ANTXR2: variants seen among roughly 807,000 people sequenced by gnomAD.
The protein encoded by ANTXR2 is ANTXR cell adhesion molecule 2, also known as anthrax toxin receptor 2.
ANTXR2 carries 44 observed loss-of-function variants against 73.7 expected under a neutral mutation model. The ratio of observed to expected loss-of-function variants is 0.60; its 90% CI spans 0.47 to 0.77. The LOEUF (loss-of-function observed/expected upper bound fraction) is 0.77. ANTXR2 is among the 30% of genes least tolerant of loss of function. The pLI, the probability that ANTXR2 is intolerant of heterozygous loss-of-function variation, is 0.00. For missense variants in ANTXR2, 604 were observed against 592.5 expected (o/e 1.02, Z -0.20); for synonymous variants, 217 against 205.9 (o/e 1.05, Z -0.46).
chr4:80,004,006 TA>T (rs1171615558), intron 12 of ANTXR2, among the ~76,000 whole-genome samples: 1 of 152,088 alleles, frequency 6.6e-6, no homozygotes, highest in Non-Finnish European at 1.5e-5. Flanking sequence ...ATAAACAACC[TA>T]AATGTTTTTC....
At chr4:79,913,237 T>G (rs1307670255) in intron 16 of ANTXR2, among the ~76,000 whole-genome samples, 9 of 152,190 alleles carry the variant, frequency 5.9e-5, no homozygotes, top group Admixed American at 4.6e-4. Context: ...ACTATCTTGG[T>G]GTACCCACTG....
At chr4:80,015,025 G>A (rs544588441) in intron 11 of ANTXR2, among the ~76,000 whole-genome samples, 10 of 152,126 alleles carry the variant, frequency 6.6e-5, no homozygotes, top group Non-Finnish European at 1.5e-4. Context: ...TTTTGTCTTT[G>A]ACTCTATGTA....
chr4:79,924,140 C>A, intron 16 of ANTXR2, among the ~76,000 whole-genome samples: 1 of 152,052 alleles, frequency 6.6e-6, no homozygotes. Context: ...ATTTTCCCTC[C>A]TCTCTCCCTC....
chr4:79,956,023 G>A (rs374084815), intron 16 of ANTXR2, among the ~76,000 whole-genome samples: 1 of 152,052 alleles, frequency 6.6e-6, no homozygotes, highest in African/African-American at 2.4e-5. Flanking sequence ...TGTCCCTCTT[G>A]GAGAGAACTG....
At chr4:80,031,321 T>C (rs1369422545) in intron 10 of ANTXR2, among the ~76,000 whole-genome samples, 1 of 151,926 alleles carries the variant, frequency 6.6e-6, no homozygotes, top group Non-Finnish European at 1.5e-5. Context: ...TGTTTATGGC[T>C]CTGATTATTT....
chr4:80,055,554 C>CA (rs1258749779), intron 4 of ANTXR2, 87 bp from the exon 5 acceptor site: 25 of 1,066,774 alleles, frequency 2.3e-5, no homozygotes, highest in Admixed American at 4.4e-5. Context: ...GTAAGTCTGA[C>CA]AAAATCAAAA....
At chr4:80,002,895 A>C (rs1731118589) in intron 12 of ANTXR2, among the ~76,000 whole-genome samples, 1 of 147,758 alleles carries the variant, frequency 6.8e-6, no homozygotes, top group Admixed American at 6.9e-5. Flanking sequence ...GGCAATCATT[A>C]AAAAGTCAGG....
chr4:79,994,993 A>G (rs1034413564), intron 12 of ANTXR2, among the ~76,000 whole-genome samples: 4 of 151,888 alleles, frequency 2.6e-5, no homozygotes, highest in African/African-American at 9.7e-5. Context: ...GATGATCCTG[A>G]TGCTTCCCCC....
Position 80,071,778 on chromosome 4 carries a change from A to T in ANTXR2, c.153-124T>A, listed in dbSNP as rs537255609. On this transcript the variant is annotated intron_variant, in intron 1 of 16. Transcript: ENST00000403729. ...ACCTGGCCTCTTTTTCAAGCTAAGT[A>T]AGGGTATCTGTAGCTGAAACTTTGG... The T allele has an allele frequency of 3.5e-5, 26 of 740,968 alleles. No homozygotes were observed. In the Admixed American group the frequency reaches 3.8e-4, roughly 11 times the overall value. 45.9% of individuals were successfully genotyped at this position (740,968 alleles called of 1,614,324 possible).
At position 79,907,316 on chromosome 4, in the gene ANTXR2, T is replaced by G; in HGVS notation, c.*113A>C. 1 of 1,148,950 alleles carries G rather than the reference T, an allele frequency of 8.7e-7. No homozygotes were observed. 71.2% of individuals were successfully genotyped at this position (1,148,950 alleles called of 1,614,324 possible). A position where few individuals can be genotyped will look rare whatever the true frequency, so the allele number is the denominator to read the frequency against. On this transcript the variant is annotated 3_prime_UTR_variant, in exon 17 of 17. Transcript: ENST00000403729. The stretch of plus-strand genomic sequence containing the variant: ...AAAACATTTCCCGACTGAGAGGAAT[T>G]AAGCTGCTCTTCCAAAAGCTTCTGA...
intron 14 of ANTXR2, among the ~76,000 whole-genome samples, chr4:79,980,530 C>T (rs1197032419): frequency 6.6e-6 from 1 of 152,152 alleles, no homozygotes; most frequent in Non-Finnish European, 1.5e-5. Flanking sequence ...TCCAACTCCA[C>T]TTGGCTTTCA....
At chr4:79,979,534 C>CT in intron 14 of ANTXR2, among the ~76,000 whole-genome samples, 1 of 151,996 alleles carries the variant, frequency 6.6e-6, no homozygotes, top group East Asian at 1.9e-4. Context: ...ATGTTTTTAC[C>CT]TTTTTTTACT....
At chr4:79,918,778 AAATACACAAGT>A (rs1727455002) in intron 16 of ANTXR2, among the ~76,000 whole-genome samples, 1 of 152,096 alleles carries the variant, frequency 6.6e-6, no homozygotes, top group East Asian at 1.9e-4. Flanking sequence ...ATATGTGACT[AAATACACAAGT>A]AATATAAATA....
intron 16 of ANTXR2, among the ~76,000 whole-genome samples, chr4:79,914,536 C>T (rs896900584): frequency 1.3e-5 from 2 of 152,058 alleles, no homozygotes; most frequent in Non-Finnish European, 2.9e-5. Context: ...TACAATCCTC[C>T]AATAAAGAAT....
chr4:79,978,198 G>A (rs1729725219), intron 14 of ANTXR2, 24 bp from the exon 15 acceptor site: 2 of 1,609,826 alleles, frequency 1.2e-6, no homozygotes, highest in South Asian at 1.1e-5. Flanking sequence ...GGAGAGTACT[G>A]TTATCAGACA....
At chr4:79,950,845 T>C (rs1403938359) in intron 16 of ANTXR2, among the ~76,000 whole-genome samples, 3 of 152,120 alleles carry the variant, frequency 2.0e-5, no homozygotes, top group African/African-American at 7.2e-5. Context: ...CAAGCTGAAC[T>C]CCATGGAACC....
intron 10 of ANTXR2, among the ~76,000 whole-genome samples, chr4:80,024,362 A>G (rs1732317043): frequency 6.6e-6 from 1 of 152,222 alleles, no homozygotes; most frequent in African/African-American, 2.4e-5. Flanking sequence ...CAGCAGACTT[A>G]AAGCTAGTAA....
rs1424324133 is a variant in ANTXR2 at position 80,062,123 on chromosome 4, T to C, written c.297-6110A>G. On this transcript the variant is annotated intron_variant, in intron 3 of 16. Coordinates refer to ENST00000403729, the MANE Select transcript of ANTXR2 (RefSeq NM_058172.6). ...ATATGCTTATTGTTTATTTAACATG[T>C]CATTCTAATGCCAACATAGGCCAAG... 2.0e-5 allele frequency among the ~76,000 whole-genome samples: 3 copies of C among 152,316 alleles called. No individual in the cohort carries two copies. The East Asian group carries it at 5.8e-4, about 29-fold the overall frequency.
At chr4:79,931,220 T>C (rs1728041344) in intron 16 of ANTXR2, among the ~76,000 whole-genome samples, 1 of 152,238 alleles carries the variant, frequency 6.6e-6, no homozygotes, top group South Asian at 2.1e-4. Context: ...TGCTTTGTTG[T>C]ACTTCCTTAT....
Sources: gnomAD v4.1 joint callset for allele counts (sites outside exome capture counted in the v4.1 genomes callset) on GRCh38, gnomAD v4.1.1 for gene constraint, MANE v1.5 for transcripts, NCBI Gene and HGNC (gene_info 2026-07-23, HGNC 2026-07-21) for gene names.